XDH: variants seen among roughly 807,000 people sequenced by gnomAD.
XDH encodes xanthine dehydrogenase/oxidase.
XDH carries 138 observed loss-of-function variants against 156.1 expected under a neutral mutation model. The observed-to-expected ratio is 0.88, with a 90% CI of 0.77 to 1.02. The LOEUF (loss-of-function observed/expected upper bound fraction) is 1.02. XDH is among the 50% of genes least tolerant of loss of function. The probability of loss-of-function intolerance (pLI) is 0.00; values close to 1 mark genes in which losing one functional copy is unlikely to be tolerated. For missense variants in XDH, 1,849 were observed against 1,684.9 expected (o/e 1.10, Z -1.71); for synonymous variants, 669 against 625.7 (o/e 1.07, Z -1.03).
chr2:31,377,857 A>C (rs986492691), intron 13 of XDH, among the ~76,000 whole-genome samples: 1 of 137,216 alleles, frequency 7.3e-6, no homozygotes, highest in Admixed American at 7.3e-5. Context: ...CTATCTCTAC[A>C]AAAAAAAAAA....
chr2:31,338,473 CATGGTAAAGTATGACAGTCA>C (rs1377329198), intron 34 of XDH, among the ~76,000 whole-genome samples: 11 of 152,126 alleles, frequency 7.2e-5, no homozygotes, highest in Admixed American at 6.5e-4. Context: ...AATTCCCAAG[CATGGTAAAGTATGACAGTCA>C]ATGGCAAGGG....
At chr2:31,348,443 C>T in intron 27 of XDH, 80 bp from the exon 28 acceptor site, 1 of 1,355,586 alleles carries the variant, frequency 7.4e-7, no homozygotes, top group South Asian at 1.2e-5. Flanking sequence ...GTATGGAGCC[C>T]AGGAACAAGA....
chr2:31,350,999 G>A (rs564916627), intron 24 of XDH, among the ~76,000 whole-genome samples: 10 of 152,028 alleles, frequency 6.6e-5, no homozygotes, highest in Middle Eastern at 3.4e-3. Flanking sequence ...AAACTTATAC[G>A]TCTCTAGATA....
chr2:31,409,897 C>T (rs967811050), intron 1 of XDH, among the ~76,000 whole-genome samples: 2 of 152,134 alleles, frequency 1.3e-5, no homozygotes, highest in Non-Finnish European at 2.9e-5. Context: ...TGGATTTATA[C>T]CCAAAATAAT....
chr2:31,348,918 G>A lies in XDH; in HGVS notation c.3032C>T (p.Thr1011Ile), dbSNP rs1350836207. 1.2e-6 allele frequency: 2 copies of A among 1,613,360 alleles called. No individual in the cohort carries two copies. Among genetic ancestry groups the A allele is most frequent in the Admixed American group, 3.3e-5 (2 of 60,032 alleles). Residue 1011 changes from threonine (T) to isoleucine (I), a missense_variant, in exon 27 of 36, where the codon ACA becomes ATA. Transcript: ENST00000379416. ...AATTACCTGATTCAGAAAAGGAACTGTAAAGCTTATTCCAAACTTGGTGGG... is the reference window on the plus strand; with the variant it reads ...AATTACCTGATTCAGAAAAGGAACTATAAAGCTTATTCCAAACTTGGTGGG... ...IIPTKFGISF[T>I]VPFLNQAGAL...
chr2:31,355,258 C>T (rs954476592), intron 24 of XDH, among the ~76,000 whole-genome samples: 1 of 151,894 alleles, frequency 6.6e-6, no homozygotes, highest in Non-Finnish European at 1.5e-5. Flanking sequence ...CCCCAGCAGA[C>T]CCACAATAAA....
Position 31,381,113 on chromosome 2 carries a change from A to G in XDH, c.1132+520T>C, listed in dbSNP as rs1457574319. Among the ~76,000 whole-genome samples the G allele has an allele frequency of 2.6e-5, 4 of 152,146 alleles. No individual in the cohort carries two copies. In the East Asian group the frequency reaches 7.7e-4, roughly 29 times the overall value. Reference sequence around the variant, plus strand: ...CAGGTTCAAGTGATTCTCTTGACTCAGCCTCTCAAGGAACTGGGACTAAAG... The same window carrying G: ...CAGGTTCAAGTGATTCTCTTGACTCGGCCTCTCAAGGAACTGGGACTAAAG... On this transcript the variant is annotated intron_variant, in intron 12 of 35. Transcript: ENST00000379416.
At chr2:31,350,595 C>A (rs1049201342) in intron 24 of XDH, among the ~76,000 whole-genome samples, 1 of 151,868 alleles carries the variant, frequency 6.6e-6, no homozygotes, top group Non-Finnish European at 1.5e-5. Context: ...TGGAAGGTCT[C>A]GATCTCCTGA....
In XDH at chr2:31,386,486, T is replaced by G; in HGVS notation, c.721A>C (p.Thr241Pro). The G allele has an allele frequency of 6.2e-7, 1 of 1,614,098 alleles. No homozygotes were observed. Among genetic ancestry groups the G allele is most frequent in the Non-Finnish European group, 8.5e-7 (1 of 1,180,018 alleles). Residue 241 changes from threonine (T) to proline (P), a missense_variant, in exon 9 of 36, where the codon ACC (threonine) becomes CCC (proline). Thr to Pro is a conservative substitution (Grantham distance 38). Coordinates refer to ENST00000379416, the MANE Select transcript of XDH (RefSeq NM_000379.4). Reference protein sequence around the residue: ...GERVTWIQASTLKELLDLKAQ... With the variant: ...GERVTWIQASPLKELLDLKAQ... ...TTGAGGTCCAGCAGCTCCTTGAGGG[T>G]TGAGGCCTGTATCCACGTCACACGC...
At chr2:31,364,510 C>T (rs989918607) in intron 23 of XDH, among the ~76,000 whole-genome samples, 2 of 151,962 alleles carry the variant, frequency 1.3e-5, no homozygotes, top group African/African-American at 4.8e-5. Context: ...CTACCGGCAC[C>T]TGGCTTCTGG....
intron 24 of XDH, among the ~76,000 whole-genome samples, chr2:31,354,808 A>G (rs1413188230): frequency 6.6e-6 from 1 of 152,236 alleles, no homozygotes; most frequent in African/African-American, 2.4e-5. Flanking sequence ...CAAAAGACCT[A>G]ACACTCATGC....
intron 6 of XDH, among the ~76,000 whole-genome samples, chr2:31,389,303 G>A (rs941740523): frequency 1.3e-5 from 2 of 152,154 alleles, no homozygotes; most frequent in Non-Finnish European, 2.9e-5. Flanking sequence ...GTTGTAAGCA[G>A]GCAGGCAGTG....
intron 35 of XDH, 150 bp downstream of exon 35, chr2:31,337,491 T>A (rs1165941452): frequency 9.4e-7 from 1 of 1,068,010 alleles, no homozygotes; most frequent in African/African-American, 1.6e-5. Context: ...GTGTGCTTCA[T>A]ACCATGCACA....
At chr2:31,336,096 C>T (rs1284109040) in intron 35 of XDH, 88 bp from the exon 36 acceptor site, 1 of 1,401,922 alleles carries the variant, frequency 7.1e-7, no homozygotes, top group African/African-American at 1.4e-5. Flanking sequence ...CCACCACTGC[C>T]AACCATCATT....
intron 6 of XDH, 28 bp from the exon 7 acceptor site, chr2:31,388,323 G>T: frequency 6.2e-7 from 1 of 1,610,672 alleles, no homozygotes; most frequent in Non-Finnish European, 8.5e-7. Context: ...ATCTGCACAA[G>T]GGTATTTACA....
At chr2:31,385,009 A>G (rs1686547915) in intron 9 of XDH, among the ~76,000 whole-genome samples, 2 of 152,130 alleles carry the variant, frequency 1.3e-5, no homozygotes, top group Non-Finnish European at 2.9e-5. Context: ...AATCTTTGTT[A>G]TTCATTTCTC....
Position 31,375,428 on chromosome 2 carries a change from C to A in XDH, c.1554G>T (p.Lys518Asn). 6.2e-7 allele frequency: 1 copy of A among 1,614,198 alleles called. No individual in the cohort carries two copies. Among genetic ancestry groups the A allele is most frequent in the Non-Finnish European group, 8.5e-7 (1 of 1,180,036 alleles). Residue 518 changes from lysine to asparagine, a missense_variant, in exon 15 of 36, where the codon AAG becomes AAT. Lys to Asn is a moderately conservative substitution (Grantham distance 94, BLOSUM62 0). Transcript: ENST00000379416. ...RCTLTLSFFF[K>N]FYLTVLQKLG... ...GCTTCTGAAGGACTGTCAGGTAGAA[C>A]TTGAAGAAGAAGCTGAGGGTGAGGG...
At chr2:31,371,493 C>A (rs1686070983) in intron 17 of XDH, among the ~76,000 whole-genome samples, 1 of 152,238 alleles carries the variant, frequency 6.6e-6, no homozygotes, top group Admixed American at 6.5e-5. Context: ...AAGGCCCCAA[C>A]TGTTGCAGTT....
chr2:31,406,088 G>T, intron 1 of XDH, 124 bp from the exon 2 acceptor site: 1 of 1,096,390 alleles, frequency 9.1e-7, no homozygotes, highest in Non-Finnish European at 1.4e-6. Flanking sequence ...GATATAGTTT[G>T]CACTCTGCCC....
Sources: gnomAD v4.1 joint callset for allele counts (sites outside exome capture counted in the v4.1 genomes callset) on GRCh38, gnomAD v4.1.1 for gene constraint, MANE v1.5 for transcripts, NCBI Gene and HGNC (gene_info 2026-07-23, HGNC 2026-07-21) for gene names.